CYB5R4: variants seen among roughly 807,000 people sequenced by gnomAD.
CYB5R4 encodes the protein N-terminal cytochrome b5 and cytochrome b5 oxidoreductase domain-containing protein.
CYB5R4 carries 55 observed loss-of-function variants against 70.2 expected under a neutral mutation model. The observed-to-expected ratio is 0.78, with a 90% CI of 0.63 to 0.98. The LOEUF (loss-of-function observed/expected upper bound fraction) is 0.98, where lower values mean the gene tolerates loss of function less well. Ranked by LOEUF, CYB5R4 falls within the 50% of genes least tolerant of loss-of-function variation. The pLI, the probability that CYB5R4 is intolerant of heterozygous loss-of-function variation, is 0.00. For missense variants in CYB5R4, 562 were observed against 612.6 expected, an observed-to-expected ratio of 0.92 and a Z score of 0.87; for synonymous variants, 197 against 199.5, an observed-to-expected ratio of 0.99 and a Z score of 0.11.
chr6:83,879,321 G>T (rs1426991517), intron 2 of CYB5R4, among the ~76,000 whole-genome samples: 1 of 152,080 alleles, frequency 6.6e-6, no homozygotes, highest in African/African-American at 2.4e-5. Context: ...GAGAGTATCA[G>T]TGTTTTGTAT....
At chr6:83,904,955 C>T (rs2129136864) in intron 3 of CYB5R4, among the ~76,000 whole-genome samples, 2 of 151,066 alleles carry the variant, frequency 1.3e-5, no homozygotes, top group South Asian at 4.2e-4. Flanking sequence ...TGTCATATTT[C>T]CTTGCTTTTT....
At chr6:83,863,794 C>T (rs956204330) in intron 1 of CYB5R4, among the ~76,000 whole-genome samples, 8 of 152,140 alleles carry the variant, frequency 5.3e-5, no homozygotes, top group African/African-American at 1.9e-4. Context: ...ATAGCATTTA[C>T]ATTGCTTTAG....
At chr6:83,946,691 A>C (rs1391597679) in intron 14 of CYB5R4, among the ~76,000 whole-genome samples, 1 of 151,960 alleles carries the variant, frequency 6.6e-6, no homozygotes, top group Admixed American at 6.6e-5. Flanking sequence ...CAGCCCAAAA[A>C]CTCTTTAAGC....
rs184756871 is a variant in CYB5R4, at chr6:83,887,094, G to A, written c.230-6428G>A. On this transcript the variant is annotated intron_variant, in intron 2 of 15. Coordinates refer to ENST00000369681, the MANE Select transcript of CYB5R4 (RefSeq NM_016230.4). ...GCACAAATGAAAAACTATAGGCAGT[G>A]TCTTTCAAGAGAGAAAGAATTCTTT... Among the ~76,000 whole-genome samples the A allele has an allele frequency of 2.0e-5, 3 of 152,272 alleles. No individual in the cohort carries two copies. In the East Asian group the frequency reaches 5.8e-4, roughly 29 times the overall value.
At chr6:83,930,717 G>T (rs1388498463) in intron 10 of CYB5R4, among the ~76,000 whole-genome samples, 1 of 150,416 alleles carries the variant, frequency 6.6e-6, no homozygotes, top group Admixed American at 6.7e-5. Context: ...AATCTCAAAT[G>T]TTCTTAATGG....
chr6:83,920,799 G>A (rs2099466254), intron 7 of CYB5R4, among the ~76,000 whole-genome samples: 1 of 152,060 alleles, frequency 6.6e-6, no homozygotes. Flanking sequence ...CCTACTAGGT[G>A]CCAAACAGTG....
At position 83,963,135 on chromosome 6, in the gene CYB5R4, C is replaced by T. The variant is rs1294068442; in HGVS notation, c.*3257C>T. The T allele has an allele frequency of 1.3e-5, 2 of 152,122 alleles. No homozygotes were observed. Among genetic ancestry groups the T allele is most frequent in the Non-Finnish European group, 2.9e-5 (2 of 68,020 alleles). 9.4% of individuals were successfully genotyped at this position (152,122 alleles called of 1,614,324 possible). ...TCCTATATAATATATTCAAAGGTTG[C>T]AGGCATTTGGGTGTTGACATCTTTG... On this transcript the variant is annotated 3_prime_UTR_variant, in exon 16 of 16. Coordinates refer to ENST00000369681, the MANE Select transcript of CYB5R4 (RefSeq NM_016230.4).
chr6:83,871,821 G>C (rs2099457679), intron 2 of CYB5R4, among the ~76,000 whole-genome samples: 1 of 151,676 alleles, frequency 6.6e-6, no homozygotes, highest in Non-Finnish European at 1.5e-5. Flanking sequence ...TAAGTTCTAT[G>C]ATATACCCTA....
In CYB5R4 at chr6:83,936,251, C is replaced by T; in HGVS notation, c.983C>T (p.Pro328Leu). 6.3e-7 allele frequency: 1 copy of T among 1,599,668 alleles called. No individual in the cohort carries two copies. Among genetic ancestry groups the T allele is most frequent in the Admixed American group, 1.8e-5 (1 of 55,364 alleles). Reference protein sequence around the residue: ...TGTEIVKPYTPVSGSLLSEFK... With the variant: ...TGTEIVKPYTLVSGSLLSEFK... Reference sequence around the variant, plus strand: ...ACAGAAATAGTAAAGCCATATACACCTGTATCTGGTTCCTTACTCTCAGAG... The same window carrying T: ...ACAGAAATAGTAAAGCCATATACACTTGTATCTGGTTCCTTACTCTCAGAG... The change falls in exon 12 of 16, where the codon CCT becomes CTT. Residue 328 changes from proline (P) to leucine (L), a missense_variant. Coordinates refer to ENST00000369681, the MANE Select transcript of CYB5R4 (RefSeq NM_016230.4).
At chr6:83,889,741 C>G (rs2099460821) in intron 2 of CYB5R4, among the ~76,000 whole-genome samples, 1 of 152,098 alleles carries the variant, frequency 6.6e-6, no homozygotes. Flanking sequence ...GTTCTGCAAG[C>G]TATACAGGAA....
intron 2 of CYB5R4, among the ~76,000 whole-genome samples, chr6:83,873,707 G>T (rs2099458022): frequency 6.6e-6 from 1 of 152,150 alleles, no homozygotes; most frequent in South Asian, 2.1e-4. Context: ...CATTACACCA[G>T]GTTCTGGAGG....
intron 7 of CYB5R4, among the ~76,000 whole-genome samples, 174 bp from the exon 8 acceptor site, chr6:83,920,908 A>G (rs959855316): frequency 1.3e-5 from 2 of 152,192 alleles, no homozygotes; most frequent in African/African-American, 4.8e-5. Context: ...TGGTGTGTCA[A>G]TTGAAGGAGA....
chr6:83,898,635 T>A lies in CYB5R4; in HGVS notation c.330+5013T>A, dbSNP rs565618923. The stretch of plus-strand genomic sequence containing the variant: ...TCCATTTGTTTGTATCCTCTTTTAT[T>A]GCGTTGAGCAGTGGTTTGTAGTTCT... On this transcript the variant is annotated intron_variant, in intron 3 of 15. Coordinates refer to ENST00000369681, the MANE Select transcript of CYB5R4 (RefSeq NM_016230.4). Among the ~76,000 whole-genome samples, 335 of 152,326 alleles carry A rather than the reference T, an allele frequency of 2.2e-3. 4 individuals are homozygous for A. Among genetic ancestry groups the A allele is most frequent in the Non-Finnish European group, 7.3e-4 (50 of 68,030 alleles).
At chr6:83,934,441 C>T (rs1037964442) in intron 10 of CYB5R4, among the ~76,000 whole-genome samples, 154 bp from the exon 11 acceptor site, 4 of 151,902 alleles carry the variant, frequency 2.6e-5, no homozygotes, top group African/African-American at 9.7e-5. Flanking sequence ...AAAAATTAAC[C>T]TTAAAATATT....
chr6:83,902,362 C>G (rs560215823), intron 3 of CYB5R4, among the ~76,000 whole-genome samples: 126 of 152,032 alleles, frequency 8.3e-4, no homozygotes, highest in Non-Finnish European at 1.6e-3. Context: ...GTTCTCTGCT[C>G]TGTTCTGTTG....
intron 2 of CYB5R4, among the ~76,000 whole-genome samples, chr6:83,892,573 A>G (rs2099461265): frequency 6.6e-6 from 1 of 152,146 alleles, no homozygotes; most frequent in South Asian, 2.1e-4. Flanking sequence ...GTTGTTCCCT[A>G]TTCCTTTCTT....
rs537113188 is a variant in CYB5R4, at chr6:83,962,752, T to C, written c.*2874T>C. 1 of 152,374 alleles carries C rather than the reference T, an allele frequency of 6.6e-6. No individual in the cohort carries two copies. Among genetic ancestry groups the C allele is most frequent in the East Asian group, 1.9e-4 (1 of 5,184 alleles). 9.4% of individuals were successfully genotyped at this position (152,374 alleles called of 1,614,324 possible). On this transcript the variant is annotated 3_prime_UTR_variant, in exon 16 of 16. Coordinates refer to ENST00000369681, the MANE Select transcript of CYB5R4 (RefSeq NM_016230.4). ...GCCTCATTAGGTAGATTTCAGTTCC[T>C]TGCAGTTGTAGGACTGAGTTCCCCA...
Position 83,955,437 on chromosome 6 carries a change from G to T in CYB5R4, c.1486G>T (p.Val496Leu), listed in dbSNP as rs1373200341. Residue 496 changes from valine (V) to leucine (L), a missense_variant, in exon 15 of 16, where the codon GTG becomes TTG. Coordinates refer to ENST00000369681, the MANE Select transcript of CYB5R4 (RefSeq NM_016230.4). ...SKVLVCICGP[V>L]PFTEQGVRLL... ...AGTTCTCGTCTGCATTTGTGGACCA[G>T]TGCCATTTACAGAACAAGGAGTAAG... is the stretch of plus-strand genomic sequence containing the variant. 2 of 1,613,722 alleles carry T rather than the reference G, an allele frequency of 1.2e-6. No individual in the cohort carries two copies. The highest frequency in any genetic ancestry group is 1.7e-6 in the Non-Finnish European group (2 of 1,179,850).
intron 9 of CYB5R4, 124 bp from the exon 10 acceptor site, chr6:83,924,346 C>A: frequency 1.2e-6 from 1 of 852,372 alleles, no homozygotes; most frequent in Non-Finnish European, 1.7e-6. Flanking sequence ...CTTATTTATC[C>A]CACTAATAAT....
Sources: gnomAD v4.1 joint callset for allele counts (sites outside exome capture counted in the v4.1 genomes callset) on GRCh38, gnomAD v4.1.1 for gene constraint, MANE v1.5 for transcripts, NCBI Gene and HGNC (gene_info 2026-07-23, HGNC 2026-07-21) for gene names.